The following CYP2R1 variants were observed in gnomAD, a reference collection of about 807,000 sequenced individuals.
CYP2R1 encodes the protein vitamin D 25-hydroxylase.
CYP2R1 carries 40 observed loss-of-function variants against 45.7 expected under a neutral mutation model. The ratio of observed to expected loss-of-function variants is 0.87; its 90% CI spans 0.68 to 1.14. CYP2R1 has a LOEUF of 1.14. Among genes scored for constraint, CYP2R1 ranks in the 50% most tolerant of loss-of-function variants. The pLI, the probability that CYP2R1 is intolerant of heterozygous loss-of-function variation, is 0.00. For synonymous variants in CYP2R1, 234 were observed against 219.3 expected (o/e 1.07, Z -0.59); for missense variants, 605 against 602.6 (o/e 1.00, Z -0.04).
Position 14,890,169 on chromosome 11 carries a change from AG to A in CYP2R1, c.225+1811del, listed in dbSNP as rs200987212. Among the ~76,000 whole-genome samples the A allele has an allele frequency of 1.1e-3, 170 of 152,116 alleles. 3 individuals are homozygous for A. The East Asian group carries it at 0.029, about 26-fold the overall frequency. ...AAACTAATAACATACACAATAACCA[AG>A]AACACTTGAGTAGCACTTTTCTGTT... On this transcript the variant is annotated intron_variant, in intron 1 of 4. Coordinates refer to ENST00000334636, the MANE Select transcript of CYP2R1 (RefSeq NM_024514.5).
intron 1 of CYP2R1, chr11:14,887,539 T>C (rs556784356): frequency 6.0e-4 from 557 of 928,268 alleles, no homozygotes; most frequent in Non-Finnish European, 7.0e-4. Context: ...TTATATATTC[T>C]TTGATTTATT....
In CYP2R1 at chr11:14,886,092, A is replaced by T; in HGVS notation, c.226-175T>A. 4.7e-6 allele frequency: 3 copies of T among 638,826 alleles called. No homozygotes were observed. The South Asian group carries it at 5.3e-5, about 11-fold the overall frequency. 39.6% of individuals were successfully genotyped at this position (638,826 alleles called of 1,614,324 possible). On this transcript the variant is annotated intron_variant, in intron 1 of 4. Coordinates refer to ENST00000334636, the MANE Select transcript of CYP2R1 (RefSeq NM_024514.5). ...AGTGCCCTCCTTCTATAAGGCATGC[A>T]AAACTGTGTGATTTCATTATGCCAT...
Position 14,892,192 on chromosome 11 carries a change from C to T in CYP2R1, c.14G>A (p.Trp5Ter). ...CGCCGCCGCGCCCTCTTCAGCTCTC[C>T]AAAGCTTCCACATCGGCCCGAGCTG... MWKL[W>*]RAEEGAAALG... The change falls in exon 1 of 5, where the codon TGG becomes TAG. Residue 5 changes from tryptophan (W) to a stop codon, truncating the protein, a stop_gained. Coordinates refer to ENST00000334636, the MANE Select transcript of CYP2R1 (RefSeq NM_024514.5). LOFTEE classifies it high-confidence loss of function. 6.2e-7 allele frequency: 1 copy of T among 1,610,298 alleles called. No homozygotes were observed. The highest frequency in any genetic ancestry group is 8.5e-7 in the Non-Finnish European group (1 of 1,179,810).
intron 2 of CYP2R1, 123 bp downstream of exon 2, chr11:14,885,653 G>A (rs917472675): frequency 1.9e-6 from 2 of 1,064,684 alleles, no homozygotes; most frequent in Non-Finnish European, 2.8e-6. Context: ...ACTAGGTTCT[G>A]TAAATAAATA....
intron 1 of CYP2R1, among the ~76,000 whole-genome samples, chr11:14,889,135 A>C (rs1303887128): frequency 1.3e-5 from 2 of 151,364 alleles, no homozygotes; most frequent in African/African-American, 4.8e-5. Context: ...ACTTGAAGTG[A>C]CTGTCCTAAG....
At chr11:14,885,472 C>G (rs1818073859) in intron 2 of CYP2R1, among the ~76,000 whole-genome samples, 1 of 152,164 alleles carries the variant, frequency 6.6e-6, no homozygotes, top group Non-Finnish European at 1.5e-5. Flanking sequence ...ACTTCGGATT[C>G]AAGTGGAAGT....
intron 1 of CYP2R1, chr11:14,891,255 G>A (rs1848843653): frequency 3.0e-6 from 3 of 984,980 alleles, no homozygotes; most frequent in Non-Finnish European, 2.4e-6. Context: ...CTCACCGGCT[G>A]GTTATGAGTT....
chr11:14,891,961 G>A lies in CYP2R1; in HGVS notation c.225+20C>T, dbSNP rs1848874883. The A allele has an allele frequency of 6.2e-7, 1 of 1,609,656 alleles. No individual in the cohort carries two copies. The highest frequency in any genetic ancestry group is 1.3e-5 in the African/African-American group (1 of 74,916). ...GCCAGCCTGGCGGCCCTCCCTGCCC[G>A]GGGCCCGTCGGGGCTGTACCTCTCC... On this transcript the variant is annotated intron_variant, in intron 1 of 4. Coordinates refer to ENST00000334636, the MANE Select transcript of CYP2R1 (RefSeq NM_024514.5).
intron 1 of CYP2R1, 155 bp from the exon 2 acceptor site, chr11:14,886,072 C>T: frequency 2.8e-6 from 2 of 719,428 alleles, no homozygotes; most frequent in South Asian, 1.6e-5. Context: ...TTCAGAGTGC[C>T]CTCCTTCTAT....
At chr11:14,882,506 A>C (rs1848429684) in intron 2 of CYP2R1, among the ~76,000 whole-genome samples, 1 of 152,150 alleles carries the variant, frequency 6.6e-6, no homozygotes, top group Non-Finnish European at 1.5e-5. Flanking sequence ...AGCACTGTTT[A>C]TAAAAACCCT....
chr11:14,884,704 T>C (rs1433214870), intron 2 of CYP2R1, among the ~76,000 whole-genome samples: 1 of 151,596 alleles, frequency 6.6e-6, no homozygotes, highest in Non-Finnish European at 1.5e-5. Flanking sequence ...AAATAAAAAT[T>C]AAAAAAAGAA....
chr11:14,892,209 C>A lies in CYP2R1; in HGVS notation c.-4G>T. On this transcript the variant is annotated 5_prime_UTR_variant, in exon 1 of 5. Coordinates refer to ENST00000334636, the MANE Select transcript of CYP2R1 (RefSeq NM_024514.5). ...CAGCTCTCCAAAGCTTCCACATCGG[C>A]CCGAGCTGGAGGTGCGAACTCCACA... 1 of 1,609,044 alleles carries A rather than the reference C, an allele frequency of 6.2e-7. No individual in the cohort carries two copies. The highest frequency in any genetic ancestry group is 8.5e-7 in the Non-Finnish European group (1 of 1,179,550).
Position 14,878,283 on chromosome 11 carries a change from G to C in CYP2R1, c.1345C>G (p.Leu449Val). Reference sequence around the variant, plus strand: ...TCCATCCGAGCCAAGTGTTCTCCAAGACAATGTCTTCTTCCTAAACAGAAA... The same window carrying C: ...TCCATCCGAGCCAAGTGTTCTCCAACACAATGTCTTCTTCCTAAACAGAAA... ...VPFSLGRRHC[L>V]GEHLARMEMF... The change falls in exon 5 of 5, where the codon CTT becomes GTT. Residue 449 changes from leucine to valine, a missense_variant. Physicochemically the swap from Leu to Val is conservative, Grantham distance 32. Coordinates refer to ENST00000334636, the MANE Select transcript of CYP2R1 (RefSeq NM_024514.5). 6.2e-7 allele frequency: 1 copy of C among 1,612,834 alleles called. No individual in the cohort carries two copies. Among genetic ancestry groups the C allele is most frequent in the South Asian group, 1.1e-5 (1 of 91,030 alleles).
chr11:14,886,660 T>C (rs1471641851), intron 1 of CYP2R1: 1 of 152,188 alleles, frequency 6.6e-6, no homozygotes, highest in Admixed American at 6.5e-5. Flanking sequence ...TAACCCAATA[T>C]AAGAGGCCAG....
In CYP2R1 at chr11:14,879,274, A is replaced by G; in HGVS notation, c.1170T>C (p.Arg390=). 2.5e-6 allele frequency: 4 copies of G among 1,613,350 alleles called. No homozygotes were observed. Among genetic ancestry groups the G allele is most frequent in the Non-Finnish European group, 3.4e-6 (4 of 1,179,546 alleles). ...FHATSEDAVV[R]GYSIPKGTTV... ...TTGTGCCTTTAGGAATGGAATAACC[A>G]CGTACAACTGCATCTTCAGAGGTTG... The change falls in exon 4 of 5, where the codon CGT becomes CGC. Residue 390 remains arginine (R), a synonymous_variant. Transcript: ENST00000334636.
chr11:14,887,643 C>G (rs1380610681), intron 1 of CYP2R1: 1 of 985,074 alleles, frequency 1.0e-6, no homozygotes, highest in Admixed American at 6.2e-5. Flanking sequence ...CTAGATCACT[C>G]CATGATCTTC....
chr11:14,890,463 A>AC (rs1391730179), intron 1 of CYP2R1: 4 of 981,330 alleles, frequency 4.1e-6, no homozygotes, highest in Non-Finnish European at 3.6e-6. Context: ...CCCTTTAACA[A>AC]CGTAAACTAT....
intron 1 of CYP2R1, chr11:14,890,859 T>C (rs782418298): frequency 3.0e-6 from 3 of 985,362 alleles, no homozygotes; most frequent in Non-Finnish European, 3.6e-6. Context: ...CCTAGACCAA[T>C]CCTTGTAAAA....
At chr11:14,885,632 G>T in intron 2 of CYP2R1, 144 bp downstream of exon 2, 1 of 821,136 alleles carries the variant, frequency 1.2e-6, no homozygotes, top group Non-Finnish European at 1.9e-6. Context: ...CAGCCTGAAA[G>T]GTCCTCAAAT....
Sources: allele counts gnomAD v4.1 joint callset (sites outside exome capture counted in the v4.1 genomes callset), GRCh38; gene constraint gnomAD v4.1.1; transcripts MANE v1.5; gene names NCBI Gene and HGNC (gene_info 2026-07-23, HGNC 2026-07-21).